AK8: variants seen among roughly 807,000 people sequenced by gnomAD.
AK8 encodes ATP-AMP transphosphorylase 8.
In AK8, 44 loss-of-function variants were observed where a neutral mutation model predicts 54.6. The observed-to-expected ratio is 0.81, with a 90% CI of 0.63 to 1.04. AK8 has a LOEUF of 1.04. Among genes scored for constraint, AK8 ranks in the 50% least tolerant of loss-of-function variants. The pLI is 0.00. For missense variants in AK8, 555 were observed against 613.6 expected, an observed-to-expected ratio of 0.90 and a Z score of 1.01; for synonymous variants, 239 against 245.6, an observed-to-expected ratio of 0.97 and a Z score of 0.25.
At chr9:132,834,989 C>T (rs1361692183) in intron 5 of AK8, among the ~76,000 whole-genome samples, 1 of 152,032 alleles carries the variant, frequency 6.6e-6, no homozygotes, top group Non-Finnish European at 1.5e-5. Context: ...CCTGCCTCAG[C>T]CTCCCAAGTA....
intron 10 of AK8, among the ~76,000 whole-genome samples, chr9:132,813,363 C>T (rs963632681): frequency 3.9e-5 from 6 of 152,158 alleles, no homozygotes; most frequent in Non-Finnish European, 5.9e-5. Context: ...GCTGGGAGGA[C>T]AGAGCCTGTT....
chr9:132,755,346 G>C (rs954953130), intron 11 of AK8, among the ~76,000 whole-genome samples: 1 of 152,182 alleles, frequency 6.6e-6, no homozygotes, highest in Non-Finnish European at 1.5e-5. Flanking sequence ...CTGGGAGAGA[G>C]TGCTGCCAGC....
At chr9:132,728,313 T>A (rs942485002) in intron 11 of AK8, among the ~76,000 whole-genome samples, 1 of 152,134 alleles carries the variant, frequency 6.6e-6, no homozygotes, top group African/African-American at 2.4e-5. Context: ...ACTCCTGGGG[T>A]TGGGACTCCC....
chr9:132,838,842 A>G (rs543867874), intron 5 of AK8, among the ~76,000 whole-genome samples: 2 of 152,322 alleles, frequency 1.3e-5, no homozygotes, highest in Non-Finnish European at 2.9e-5. Context: ...ATCATAGGAC[A>G]GTCATGCAGG....
intron 5 of AK8, among the ~76,000 whole-genome samples, chr9:132,852,769 C>CAAAAAAAAAAAAAAAAAAAAAAA (rs35786801): frequency 1.2e-4 from 2 of 16,416 alleles, no homozygotes; most frequent in South Asian, 3.1e-3. Context: ...GATTAGGTCT[C>CAAAAAAAAAAAAAAAAAAAAAAA]AAAAAAAAAA....
At chr9:132,827,486 G>A in intron 7 of AK8, 1 of 215,706 alleles carries the variant, frequency 4.6e-6, no homozygotes, top group Non-Finnish European at 9.3e-6. Context: ...AGCTCTATCT[G>A]CCACCACAGC....
chr9:132,820,212 T>TA (rs36016329), intron 9 of AK8, among the ~76,000 whole-genome samples: 29,745 of 136,328 alleles, frequency 0.22, 3,314 homozygotes, highest in East Asian at 0.44. Flanking sequence ...ATGCTCACTG[T>TA]AAAAAAAAAA....
chr9:132,749,500 G>A lies in AK8; in HGVS notation c.1122-21966C>T, dbSNP rs1258277246. Among the ~76,000 whole-genome samples, 13 of 151,976 alleles carry A rather than the reference G, an allele frequency of 8.6e-5. 1 individual carries two copies. The South Asian group carries it at 2.1e-3, about 24-fold the overall frequency. ...GGATGCACAGGATACCTCTCACTGC[G>A]TCTTCATGGCAAGCCCGGGACGTAG... On this transcript the variant is annotated intron_variant, in intron 11 of 12. Transcript: ENST00000298545.
chr9:132,820,637 G>T (rs1040839268), intron 9 of AK8, among the ~76,000 whole-genome samples: 1 of 152,210 alleles, frequency 6.6e-6, no homozygotes, highest in African/African-American at 2.4e-5. Context: ...AACCAACAGT[G>T]GCTTTCGCCT....
chr9:132,850,724 G>T (rs1004332799), intron 5 of AK8, among the ~76,000 whole-genome samples: 2 of 151,970 alleles, frequency 1.3e-5, no homozygotes, highest in Non-Finnish European at 2.9e-5. Context: ...AGTAGAGACG[G>T]GGTTTTGCCA....
intron 10 of AK8, among the ~76,000 whole-genome samples, chr9:132,796,327 A>G (rs1160669932): frequency 6.6e-6 from 1 of 152,218 alleles, no homozygotes; most frequent in African/African-American, 2.4e-5. Context: ...ATAGAAATAC[A>G]ATGAGGTTTT....
chr9:132,775,991 C>T (rs1320054164), intron 11 of AK8, among the ~76,000 whole-genome samples: 1 of 152,226 alleles, frequency 6.6e-6, no homozygotes, highest in Non-Finnish European at 1.5e-5. Flanking sequence ...CACCTAGCAA[C>T]AGGCTGTCAT....
chr9:132,835,015 G>A (rs549610209), intron 5 of AK8, among the ~76,000 whole-genome samples: 28 of 152,120 alleles, frequency 1.8e-4, no homozygotes, highest in African/African-American at 6.5e-4. Context: ...GACTACAGGC[G>A]CATGCCACTA....
At chr9:132,792,561 C>A in intron 11 of AK8, 73 bp downstream of exon 11, 1 of 1,496,222 alleles carries the variant, frequency 6.7e-7, no homozygotes, top group Non-Finnish European at 9.0e-7. Flanking sequence ...AACCTGGACC[C>A]CTTCAGCTGA....
At chr9:132,754,402 T>C (rs1838091075) in intron 11 of AK8, among the ~76,000 whole-genome samples, 1 of 152,132 alleles carries the variant, frequency 6.6e-6, no homozygotes. Context: ...TTGAGAGGTG[T>C]GGGCACCCAG....
chr9:132,823,764 C>T lies in AK8; in HGVS notation c.758-428G>A, dbSNP rs76929113. ...GGAAGCCCCGGAACTAGGCTGGTCT[C>T]CTAGAAGTGCACGCTGGCTTTCTGC... On this transcript the variant is annotated intron_variant, in intron 8 of 12. Transcript: ENST00000298545. 8.9e-4 allele frequency among the ~76,000 whole-genome samples: 135 copies of T among 152,346 alleles called. 6 individuals are homozygous for T. The East Asian group carries it at 0.025, about 29-fold the overall frequency.
At chr9:132,779,175 C>A (rs962424901) in intron 11 of AK8, among the ~76,000 whole-genome samples, 3 of 152,220 alleles carry the variant, frequency 2.0e-5, no homozygotes, top group Admixed American at 6.5e-5. Context: ...GTCATCCCTT[C>A]AATATTTGCC....
intron 11 of AK8, among the ~76,000 whole-genome samples, chr9:132,748,016 T>C (rs767930277): frequency 2.0e-5 from 3 of 151,356 alleles, no homozygotes; most frequent in Non-Finnish European, 3.0e-5. Context: ...GGAGAATCGC[T>C]TGAACCCAAG....
Position 132,876,633 on chromosome 9 carries a change from A to G in AK8, c.85-1434T>C, listed in dbSNP as rs576807260. Among the ~76,000 whole-genome samples the G allele has an allele frequency of 2.0e-5, 3 of 152,348 alleles. No individual in the cohort carries two copies. In the South Asian group the frequency reaches 6.2e-4, roughly 32 times the overall value. On this transcript the variant is annotated intron_variant, in intron 1 of 12. Transcript: ENST00000298545. ...CTGGTTTTGACAATGTGCTACAGTT[A>G]TGTTAGATGTTATCACGGGGGCAAT...
Sources: allele counts gnomAD v4.1 joint callset (sites outside exome capture counted in the v4.1 genomes callset), GRCh38; gene constraint gnomAD v4.1.1; transcripts MANE v1.5; gene names NCBI Gene and HGNC (gene_info 2026-07-23, HGNC 2026-07-21).